CEMIP: variants seen among roughly 807,000 people sequenced by gnomAD.
CEMIP encodes the protein cell migration-inducing and hyaluronan-binding protein.
CEMIP carries 105 observed loss-of-function variants against 156.9 expected under a neutral mutation model. The observed-to-expected ratio is 0.67, with a 90% CI of 0.57 to 0.79. The LOEUF is 0.79. Among genes scored for constraint, CEMIP ranks in the 30% least tolerant of loss-of-function variants. The pLI is 0.00. For missense variants in CEMIP, 1,457 were observed against 1,769.4 expected (o/e 0.82, Z 3.17); for synonymous variants, 676 against 668.4 (o/e 1.01, Z -0.17).
intron 4 of CEMIP, 125 bp from the exon 5 acceptor site, chr15:80,879,591 G>A (rs556858203): frequency 1.8e-6 from 2 of 1,098,522 alleles, no homozygotes; most frequent in African/African-American, 3.1e-5. Flanking sequence ...AGGAATGTTT[G>A]GAAGATGTGC....
At chr15:80,882,908 A>G (rs957619269) in intron 6 of CEMIP, among the ~76,000 whole-genome samples, 1 of 152,118 alleles carries the variant, frequency 6.6e-6, no homozygotes, top group Non-Finnish European at 1.5e-5. Flanking sequence ...GGAAGGAATG[A>G]TGAAGACAGG....
rs568729673 is a variant in CEMIP, at chr15:80,925,807, C to T, written c.2420+52C>T. 9.6e-5 allele frequency: 152 copies of T among 1,588,194 alleles called. No individual in the cohort carries two copies. In the South Asian group the frequency reaches 1.2e-3, roughly 13 times the overall value. ...GCACAAAGGGGGCATGGCGCGTCTT[C>T]CCCTAGCCCCCTACAGAGACAGGAG... On this transcript the variant is annotated intron_variant, in intron 19 of 29. Coordinates refer to ENST00000394685, the MANE Select transcript of CEMIP (RefSeq NM_001293298.2).
chr15:80,920,311 G>A lies in CEMIP; in HGVS notation c.2003+12G>A. ...AGGCAAGACTGCAAGTAAGTGCCTG[G>A]ACCCCTCTCTGTGTGCTGGGGGGAA... On this transcript the variant is annotated intron_variant, in intron 15 of 29. Coordinates refer to ENST00000394685, the MANE Select transcript of CEMIP (RefSeq NM_001293298.2). 6.2e-7 allele frequency: 1 copy of A among 1,611,622 alleles called. No homozygotes were observed. The highest frequency in any genetic ancestry group is 8.5e-7 in the Non-Finnish European group (1 of 1,177,880).
intron 1 of CEMIP, among the ~76,000 whole-genome samples, chr15:80,799,567 T>C (rs1252526404): frequency 6.6e-6 from 1 of 152,240 alleles, no homozygotes; most frequent in Non-Finnish European, 1.5e-5. Flanking sequence ...TTACTGAGCA[T>C]CTGCCCAAAG....
At chr15:80,810,711 A>G (rs1896649142) in intron 1 of CEMIP, among the ~76,000 whole-genome samples, 1 of 152,136 alleles carries the variant, frequency 6.6e-6, no homozygotes, top group African/African-American at 2.4e-5. Flanking sequence ...CTCCTTGAGA[A>G]CTTGTCTGCT....
At chr15:80,938,472 G>C (rs1382824671) in intron 25 of CEMIP, among the ~76,000 whole-genome samples, 1 of 152,190 alleles carries the variant, frequency 6.6e-6, no homozygotes, top group Admixed American at 6.5e-5. Flanking sequence ...GGGCATGGTG[G>C]CGCGTGCCTG....
chr15:80,887,542 G>C, intron 7 of CEMIP, 152 bp from the exon 8 acceptor site: 1 of 688,574 alleles, frequency 1.5e-6, no homozygotes, highest in Non-Finnish European at 2.6e-6. Context: ...CTGGAGAAGA[G>C]AAGCCCAGCA....
chr15:80,832,322 C>CTGTGTGTGTGTGTGTGTGTG (rs58855328), intron 1 of CEMIP, among the ~76,000 whole-genome samples: 9,192 of 127,880 alleles, frequency 0.072, 657 homozygotes, highest in Non-Finnish European at 0.087. Context: ...AAAATAAACT[C>CTGTGTGTGTGTGTGTGTGTG]TGTGTGTGTG....
chr15:80,909,270 T>C lies in CEMIP; in HGVS notation c.1761T>C (p.Ser587=), dbSNP rs773463982. 2 of 1,614,066 alleles carry C rather than the reference T, an allele frequency of 1.2e-6. No individual in the cohort carries two copies. The highest frequency in any genetic ancestry group is 2.2e-5 in the East Asian group (1 of 44,838). Reference sequence around the variant, plus strand: ...ACCTCTCCATCCATCATACATTCTCTCGCTGCGTCACAGTCCATGGCTCCA... The same window carrying C: ...ACCTCTCCATCCATCATACATTCTCCCGCTGCGTCACAGTCCATGGCTCCA... The part of the protein sequence containing the change: ...IRDLSIHHTF[S]RCVTVHGSNG... Residue 587 remains serine, a synonymous_variant, in exon 14 of 30, where the codon TCT becomes TCC. Coordinates refer to ENST00000394685, the MANE Select transcript of CEMIP (RefSeq NM_001293298.2).
At chr15:80,822,919 T>G (rs1344969478) in intron 1 of CEMIP, among the ~76,000 whole-genome samples, 1 of 152,160 alleles carries the variant, frequency 6.6e-6, no homozygotes, top group Admixed American at 6.5e-5. Flanking sequence ...GAGCCAAATT[T>G]GAGAAACAGT....
chr15:80,946,951 T>A lies in CEMIP; in HGVS notation c.3858-14T>A, dbSNP rs1901581273. ...GCTCTCTCCCTCTGGTCTAATTGGTTTCTTCTCACACAGTTCCATAGTGCT... is the reference window on the plus strand; with the variant it reads ...GCTCTCTCCCTCTGGTCTAATTGGTATCTTCTCACACAGTTCCATAGTGCT... On this transcript the variant is annotated splice_polypyrimidine_tract_variant and intron_variant, in intron 28 of 29. Transcript: ENST00000394685. 6.3e-7 allele frequency: 1 copy of A among 1,590,580 alleles called. No homozygotes were observed. The highest frequency in any genetic ancestry group is 1.3e-5 in the African/African-American group (1 of 74,514).
chr15:80,881,467 A>G (rs533696274), intron 6 of CEMIP, among the ~76,000 whole-genome samples: 3 of 152,338 alleles, frequency 2.0e-5, no homozygotes, highest in South Asian at 4.1e-4. Context: ...CAGTGTAAGG[A>G]TGCAACATTT....
intron 3 of CEMIP, among the ~76,000 whole-genome samples, chr15:80,877,491 C>T (rs1163463391): frequency 2.0e-5 from 3 of 152,206 alleles, no homozygotes; most frequent in Non-Finnish European, 2.9e-5. Context: ...TTTCATACTT[C>T]GCTCCCTTCT....
intron 23 of CEMIP, among the ~76,000 whole-genome samples, chr15:80,935,496 A>G (rs1901087021): frequency 6.6e-6 from 1 of 152,218 alleles, no homozygotes; most frequent in Admixed American, 6.5e-5. Context: ...TTTACATCTT[A>G]CAAAATGCTT....
At chr15:80,887,803 G>A (rs1392544827) in intron 8 of CEMIP, 39 bp downstream of exon 8, 4 of 1,495,498 alleles carry the variant, frequency 2.7e-6, no homozygotes, top group Non-Finnish European at 3.7e-6. Context: ...TCCCTCCAGT[G>A]TCTCTCTGAT....
intron 1 of CEMIP, among the ~76,000 whole-genome samples, chr15:80,847,368 C>A (rs1897587245): frequency 6.6e-6 from 1 of 152,178 alleles, no homozygotes; most frequent in South Asian, 2.1e-4. Context: ...CTTTTGGAAA[C>A]AAGTGAGGAG....
At chr15:80,824,638 T>A (rs1896989392) in intron 1 of CEMIP, among the ~76,000 whole-genome samples, 1 of 152,092 alleles carries the variant, frequency 6.6e-6, no homozygotes, top group South Asian at 2.1e-4. Flanking sequence ...GGGCAGGAGG[T>A]GTGCACATTA....
At chr15:80,789,492 G>T (rs938725427) in intron 1 of CEMIP, among the ~76,000 whole-genome samples, 12 of 152,270 alleles carry the variant, frequency 7.9e-5, no homozygotes, top group Non-Finnish European at 1.6e-4. Context: ...TTCAGTTCCT[G>T]GTAGTGAGAG....
intron 19 of CEMIP, 99 bp downstream of exon 19, chr15:80,925,854 C>T (rs1816527129): frequency 6.7e-7 from 1 of 1,493,050 alleles, no homozygotes; most frequent in African/African-American, 1.4e-5. Context: ...GAGGGGAAGC[C>T]AGACATACTG....
Sources: allele counts gnomAD v4.1 joint callset (sites outside exome capture counted in the v4.1 genomes callset), GRCh38; gene constraint gnomAD v4.1.1; transcripts MANE v1.5; gene names NCBI Gene and HGNC (gene_info 2026-07-23, HGNC 2026-07-21).